MFSD6: variants seen among roughly 807,000 people sequenced by gnomAD.
The protein encoded by MFSD6 is major facilitator superfamily domain-containing protein 6.
In MFSD6, 26 loss-of-function variants were observed where a neutral mutation model predicts 56.3. That is an observed-to-expected ratio of 0.46 (90% CI 0.34 to 0.64). MFSD6 has a LOEUF of 0.64. Among genes scored for constraint, MFSD6 ranks in the 30% least tolerant of loss-of-function variants. The pLI is 0.01. For missense variants in MFSD6, 750 were observed against 986.2 expected (o/e 0.76, Z 3.21); for synonymous variants, 331 against 366.9 (o/e 0.90, Z 1.12).
At position 190,500,280 on chromosome 2, in the gene MFSD6, A is replaced by T; in HGVS notation, c.*62A>T. The stretch of plus-strand genomic sequence containing the variant: ...GGCTCCTCAGCCAGGACACAGGGTG[A>T]GGCCCCCCAGCCAGGATATGCCTCC... On this transcript the variant is annotated 3_prime_UTR_variant, in exon 8 of 8. Coordinates refer to ENST00000392328, the MANE Select transcript of MFSD6 (RefSeq NM_017694.4). This position sits in a 1 kb window ranked among gnomAD's most constrained non-coding sequence, Gnocchi z 5.3. 6.3e-7 allele frequency: 1 copy of T among 1,576,034 alleles called. No individual in the cohort carries two copies. The highest frequency in any genetic ancestry group is 8.7e-7 in the Non-Finnish European group (1 of 1,151,202).
intron 2 of MFSD6, among the ~76,000 whole-genome samples, chr2:190,428,215 T>C (rs1333096506): frequency 6.6e-6 from 1 of 152,230 alleles, no homozygotes; most frequent in African/African-American, 2.4e-5. Flanking sequence ...CAGTATTTCT[T>C]TGGATGGAAA....
chr2:190,412,378 T>TA lies in MFSD6; in HGVS notation c.-175-2913dup. 1.0e-6 allele frequency: 1 copy of TA among 984,858 alleles called. No homozygotes were observed. Among genetic ancestry groups the TA allele is most frequent in the Non-Finnish European group, 1.2e-6 (1 of 829,384 alleles). 61.0% of individuals were successfully genotyped at this position (984,858 alleles called of 1,614,324 possible). On this transcript the variant is annotated intron_variant, in intron 1 of 7. Coordinates refer to ENST00000392328, the MANE Select transcript of MFSD6 (RefSeq NM_017694.4). This position sits in a 1 kb window ranked among gnomAD's most constrained non-coding sequence, Gnocchi z 4.1. ...CCAACATTTCATTTTGGGTTCTAAT[T>TA]ATGTTTTAGGCAGAAGGAAATCTCC...
intron 4 of MFSD6, among the ~76,000 whole-genome samples, chr2:190,479,244 G>T (rs1195267544): frequency 1.3e-5 from 2 of 152,186 alleles, no homozygotes. Flanking sequence ...CTCATGTTCA[G>T]TAAGTATTCT....
At chr2:190,460,636 T>C (rs901642979) in intron 3 of MFSD6, among the ~76,000 whole-genome samples, 2 of 152,206 alleles carry the variant, frequency 1.3e-5, no homozygotes, top group Non-Finnish European at 2.9e-5. Flanking sequence ...AGGTTGTAGG[T>C]GCACTGTTAC....
rs377532635 is a variant in MFSD6 at position 190,488,799 on chromosome 2, C to A, written c.1773C>A (p.Gly591=). The change falls in exon 5 of 8, where the codon GGC becomes GGA. Residue 591 remains glycine (G), a synonymous_variant. Transcript: ENST00000392328. This position sits in a 1 kb window ranked among gnomAD's most constrained non-coding sequence, Gnocchi z 6.4. ...LGRGCGAMIG[G]VLVNYFGAAA... is the part of the protein sequence containing the mutation. ...GAGGATGTGGTGCCATGATCGGAGG[C>A]GTGTTAGTCAATTATTTTGGTAAGA... 6.3e-7 allele frequency: 1 copy of A among 1,576,716 alleles called. No individual in the cohort carries two copies. The highest frequency in any genetic ancestry group is 8.6e-7 in the Non-Finnish European group (1 of 1,166,354).
Position 190,492,829 on chromosome 2 carries a change from A to G in MFSD6, c.1891+2963A>G, listed in dbSNP as rs1386396054. On this transcript the variant is annotated intron_variant, in intron 6 of 7. Coordinates refer to ENST00000392328, the MANE Select transcript of MFSD6 (RefSeq NM_017694.4). The surrounding 1 kb of genome is among the most constrained non-coding windows in gnomAD (Gnocchi z 5.2). ...CAAGAACTACCAAGCCAGAACTACA[A>G]GAATTTGCCACTCACCACCAAGCCA... Among the ~76,000 whole-genome samples the G allele has an allele frequency of 6.6e-6, 1 of 152,092 alleles. No individual in the cohort carries two copies. The highest frequency in any genetic ancestry group is 2.4e-5 in the African/African-American group (1 of 41,400).
In MFSD6 at chr2:190,436,021, T is replaced by G. The variant is rs1268175154; in HGVS notation, c.-9T>G. 1 of 1,597,398 alleles carries G rather than the reference T, an allele frequency of 6.3e-7. No homozygotes were observed. Among genetic ancestry groups the G allele is most frequent in the East Asian group, 2.2e-5 (1 of 44,604 alleles). ...AAGTTTGTAAACTTGCTGATGGTGG[T>G]GGTAAGCCATGGCAGATGATAAAGT... On this transcript the variant is annotated 5_prime_UTR_variant, in exon 3 of 8. Coordinates refer to ENST00000392328, the MANE Select transcript of MFSD6 (RefSeq NM_017694.4). This position sits in a 1 kb window ranked among gnomAD's most constrained non-coding sequence, Gnocchi z 5.3.
chr2:190,429,109 G>A (rs1260944574), intron 2 of MFSD6, among the ~76,000 whole-genome samples: 1 of 151,954 alleles, frequency 6.6e-6, no homozygotes, highest in Non-Finnish European at 1.5e-5. Context: ...CTTTTGTGAG[G>A]TGCCTATTCA....
rs1687186929 is a variant in MFSD6 at position 190,459,030 on chromosome 2, C to T, written c.1533-10728C>T. On this transcript the variant is annotated intron_variant, in intron 3 of 7. Transcript: ENST00000392328. This position sits in a 1 kb window ranked among gnomAD's most constrained non-coding sequence, Gnocchi z 5.3. ...TCTGACGTAGAGAGTGGGTCCATCCCCTCTTCAGTAGAAAAGCCCTTCCCA... is the reference window on the plus strand; with the variant it reads ...TCTGACGTAGAGAGTGGGTCCATCCTCTCTTCAGTAGAAAAGCCCTTCCCA... Among the ~76,000 whole-genome samples the T allele has an allele frequency of 2.6e-5, 4 of 152,188 alleles. No individual in the cohort carries two copies. Among genetic ancestry groups the T allele is most frequent in the African/African-American group, 9.7e-5 (4 of 41,448 alleles).
Position 190,456,987 on chromosome 2 carries a change from T to G in MFSD6, c.1533-12771T>G, listed in dbSNP as rs1237541631. On this transcript the variant is annotated intron_variant, in intron 3 of 7. Transcript: ENST00000392328. This position sits in a 1 kb window ranked among gnomAD's most constrained non-coding sequence, Gnocchi z 5.4. ...GTTTAAAATGTCAACCGTCTTCTGA[T>G]GCCAACATAAACGTTCATCCAGCTT... 6.6e-6 allele frequency among the ~76,000 whole-genome samples: 1 copy of G among 152,196 alleles called. No homozygotes were observed. Among genetic ancestry groups the G allele is most frequent in the Non-Finnish European group, 1.5e-5 (1 of 68,038 alleles).
chr2:190,444,555 A>G (rs946660018), intron 3 of MFSD6, among the ~76,000 whole-genome samples: 1 of 152,148 alleles, frequency 6.6e-6, no homozygotes, highest in African/African-American at 2.4e-5. Context: ...AGTGTAGGGG[A>G]GATTTTATGG....
chr2:190,499,379 A>G lies in MFSD6; in HGVS notation c.2173-636A>G, dbSNP rs932817479. On this transcript the variant is annotated intron_variant, in intron 7 of 7. Coordinates refer to ENST00000392328, the MANE Select transcript of MFSD6 (RefSeq NM_017694.4). The surrounding 1 kb of genome is among the most constrained non-coding windows in gnomAD (Gnocchi z 6.0). Reference sequence around the variant, plus strand: ...AAATTTTTTTTTATTTGTACAACCAATATGGCATTTATGGAAATTGCTGCT... The same window carrying G: ...AAATTTTTTTTTATTTGTACAACCAGTATGGCATTTATGGAAATTGCTGCT... 5.3e-5 allele frequency among the ~76,000 whole-genome samples: 8 copies of G among 152,122 alleles called. No individual in the cohort carries two copies. Among genetic ancestry groups the G allele is most frequent in the African/African-American group, 1.9e-4 (8 of 41,414 alleles).
chr2:190,446,790 TCCTTGCATTTATAC>T (rs1362656080), intron 3 of MFSD6, among the ~76,000 whole-genome samples: 1 of 152,204 alleles, frequency 6.6e-6, no homozygotes, highest in African/African-American at 2.4e-5. Flanking sequence ...GGTTCTGGTC[TCCTTGCATTTATAC>T]CCTGGCTTTA....
intron 3 of MFSD6, among the ~76,000 whole-genome samples, chr2:190,460,402 C>T (rs1169916301): frequency 1.3e-5 from 2 of 152,164 alleles, no homozygotes; most frequent in Non-Finnish European, 1.5e-5. Flanking sequence ...ATCATACATA[C>T]ACTCGCGTAT....
intron 3 of MFSD6, among the ~76,000 whole-genome samples, chr2:190,440,552 G>A (rs1686335061): frequency 6.6e-6 from 1 of 152,196 alleles, no homozygotes; most frequent in Non-Finnish European, 1.5e-5. Context: ...CATTTTAGCA[G>A]CTATGAGTAG....
In MFSD6 at chr2:190,482,903, T is replaced by TTTTTTTTTTTTTTTTTG. The variant is rs544591315; in HGVS notation, c.1631-5754_1631-5753insTTTTTTTTTTTTTTTTG. ...TTTTTTTTTTTTTTTTTTTTTTTTT[T>TTTTTTTTTTTTTTTTTG]AGACGGAGTCTCACTCTGTCGCCCA... On this transcript the variant is annotated intron_variant, in intron 4 of 7. Transcript: ENST00000392328. Among the ~76,000 whole-genome samples the TTTTTTTTTTTTTTTTTG allele has an allele frequency of 2.4e-3, 211 of 86,234 alleles. 82 individuals are homozygous for TTTTTTTTTTTTTTTTTG. The highest frequency in any genetic ancestry group is 5.7e-3 in the East Asian group (14 of 2,438). The allele number at this position is 86,234 out of a possible 152,430, so 56.6% of individuals were successfully genotyped here.
chr2:190,444,404 A>G (rs1010075568), intron 3 of MFSD6, among the ~76,000 whole-genome samples: 1 of 152,236 alleles, frequency 6.6e-6, no homozygotes, highest in Non-Finnish European at 1.5e-5. Flanking sequence ...TAGCCACAAC[A>G]TCAGTTCTAC....
At position 190,488,863 on chromosome 2, in the gene MFSD6, A is replaced by T. The variant is rs531557585; in HGVS notation, c.1792+45A>T. On this transcript the variant is annotated intron_variant, in intron 5 of 7. Transcript: ENST00000392328. The surrounding 1 kb of genome is among the most constrained non-coding windows in gnomAD (Gnocchi z 6.4). ...TTTTTTTCTTTTCTATTATTAAAAC[A>T]TGATTTTTTCCAGCAATACCTCAAT... 1 of 1,482,490 alleles carries T rather than the reference A, an allele frequency of 6.7e-7. No homozygotes were observed. The highest frequency in any genetic ancestry group is 9.0e-7 in the Non-Finnish European group (1 of 1,111,770). 91.8% of individuals were successfully genotyped at this position (1,482,490 alleles called of 1,614,324 possible). A position where few individuals can be genotyped will look rare whatever the true frequency, so the allele number is the denominator to read the frequency against.
chr2:190,483,052 C>T (rs940407343), intron 4 of MFSD6, among the ~76,000 whole-genome samples: 28 of 150,664 alleles, frequency 1.9e-4, no homozygotes, highest in African/African-American at 5.6e-4. Flanking sequence ...CCACCGCGCC[C>T]GGCTAATTTT....
Sources: gnomAD v4.1 joint callset for allele counts (sites outside exome capture counted in the v4.1 genomes callset) on GRCh38, gnomAD v4.1.1 for gene constraint, Gnocchi (gnomAD v3.1) non-coding constraint, MANE v1.5 for transcripts, NCBI Gene and HGNC (gene_info 2026-07-23, HGNC 2026-07-21) for gene names.